Variants in LSAMP observed in about 807,000 individuals in gnomAD.
The protein encoded by LSAMP is limbic system-associated membrane protein.
LSAMP carries 7 observed loss-of-function variants against 38.6 expected under a neutral mutation model. The ratio of observed to expected loss-of-function variants is 0.18; its 90% CI spans 0.10 to 0.34. LSAMP has a LOEUF of 0.34. Among genes scored for constraint, LSAMP ranks in the 10% least tolerant of loss-of-function variants. The probability of loss-of-function intolerance (pLI) is 1.00; values close to 1 mark genes in which losing one functional copy is unlikely to be tolerated. For missense variants in LSAMP, 313 were observed against 420.0 expected, an observed-to-expected ratio of 0.75 and a Z score of 2.23; for synonymous variants, 154 against 166.8, an observed-to-expected ratio of 0.92 and a Z score of 0.59.
intron 2 of LSAMP, among the ~76,000 whole-genome samples, chr3:116,027,116 A>G (rs556570740): frequency 3.0e-3 from 458 of 152,308 alleles, no homozygotes; most frequent in South Asian, 5.6e-3. Flanking sequence ...TTTATCCCAA[A>G]TCCAAATTTA....
intron 1 of LSAMP, among the ~76,000 whole-genome samples, chr3:116,223,493 T>C (rs1346452916): frequency 6.6e-6 from 1 of 152,220 alleles, no homozygotes; most frequent in East Asian, 1.9e-4. Context: ...GCCACTTAGA[T>C]TTAAAATATG....
chr3:116,328,235 G>T (rs1418406796), intron 1 of LSAMP, among the ~76,000 whole-genome samples: 2 of 152,100 alleles, frequency 1.3e-5, no homozygotes, highest in African/African-American at 4.8e-5. Context: ...TTGCCACCTT[G>T]CATCCCTTTC....
chr3:116,009,479 G>A (rs1940262179), intron 3 of LSAMP, among the ~76,000 whole-genome samples: 3 of 152,150 alleles, frequency 2.0e-5, no homozygotes, highest in South Asian at 4.1e-4. Context: ...CTCCCTGAGA[G>A]GCTTTACTTC....
chr3:116,375,217 G>A (rs1281629697), intron 1 of LSAMP, among the ~76,000 whole-genome samples: 1 of 151,932 alleles, frequency 6.6e-6, no homozygotes, highest in Non-Finnish European at 1.5e-5. Context: ...TTCAACCACT[G>A]TTGGAAGAAA....
chr3:115,827,314 A>G (rs1934451045), intron 6 of LSAMP, among the ~76,000 whole-genome samples: 1 of 149,072 alleles, frequency 6.7e-6, no homozygotes, highest in African/African-American at 2.4e-5. Context: ...ACACTTGGCC[A>G]AGGCACGGTT....
chr3:116,139,374 C>A (rs1453155204), intron 1 of LSAMP, among the ~76,000 whole-genome samples: 1 of 151,880 alleles, frequency 6.6e-6, no homozygotes, highest in African/African-American at 2.4e-5. Flanking sequence ...ATTAGAGGAC[C>A]AAGGTTTCTG....
At chr3:116,108,723 A>G (rs1026923451) in intron 1 of LSAMP, among the ~76,000 whole-genome samples, 1 of 152,106 alleles carries the variant, frequency 6.6e-6, no homozygotes, top group African/African-American at 2.4e-5. Context: ...GGCTTAGGAG[A>G]AATCCTGGGC....
intron 2 of LSAMP, among the ~76,000 whole-genome samples, chr3:116,047,571 T>A (rs1451739431): frequency 6.6e-6 from 1 of 152,074 alleles, no homozygotes; most frequent in Admixed American, 6.5e-5. Flanking sequence ...CACTTCTACA[T>A]GCATGCATCT....
intron 1 of LSAMP, among the ~76,000 whole-genome samples, chr3:116,152,774 G>GA (rs1178041388): frequency 6.6e-6 from 1 of 151,922 alleles, no homozygotes; most frequent in East Asian, 1.9e-4. Context: ...ACACAAAGCA[G>GA]AAAAATAAGG....
intron 1 of LSAMP, among the ~76,000 whole-genome samples, chr3:116,289,253 T>G (rs947979420): frequency 6.6e-6 from 1 of 152,228 alleles, no homozygotes; most frequent in Non-Finnish European, 1.5e-5. Flanking sequence ...GGACTTTCAT[T>G]GTCAAACATT....
intron 1 of LSAMP, among the ~76,000 whole-genome samples, chr3:116,374,104 C>T (rs2048464222): frequency 6.6e-6 from 1 of 151,906 alleles, no homozygotes; most frequent in Admixed American, 6.6e-5. Context: ...CTATATGGTG[C>T]TCAAATTATG....
intron 3 of LSAMP, among the ~76,000 whole-genome samples, chr3:115,857,794 AT>A (rs753335007): frequency 1.9e-4 from 29 of 152,212 alleles, no homozygotes; most frequent in Non-Finnish European, 3.8e-4. Flanking sequence ...CAAGTTGTAC[AT>A]ATTAGTTCTT....
intron 2 of LSAMP, among the ~76,000 whole-genome samples, chr3:116,072,437 C>T (rs538912475): frequency 2.6e-5 from 4 of 152,148 alleles, no homozygotes; most frequent in Non-Finnish European, 4.4e-5. Flanking sequence ...ATTGCTGGGT[C>T]GAATGATATT....
At chr3:115,849,850 G>A (rs1203670145) in intron 4 of LSAMP, among the ~76,000 whole-genome samples, 1 of 152,142 alleles carries the variant, frequency 6.6e-6, no homozygotes, top group Non-Finnish European at 1.5e-5. Flanking sequence ...TGATTCCAAA[G>A]GAAATTGATA....
At chr3:116,123,997 T>C (rs1437812094) in intron 1 of LSAMP, among the ~76,000 whole-genome samples, 5 of 152,118 alleles carry the variant, frequency 3.3e-5, no homozygotes, top group Non-Finnish European at 4.4e-5. Flanking sequence ...GAGTATAATT[T>C]TGGGGCAAAG....
chr3:116,086,175 T>C (rs1248957861), intron 2 of LSAMP, 149 bp downstream of exon 2: 2 of 679,956 alleles, frequency 2.9e-6, no homozygotes, highest in Non-Finnish European at 5.0e-6. Context: ...TCATTTTAAG[T>C]GTCTTTTTAG....
chr3:116,374,121 A>G (rs1224435282), intron 1 of LSAMP, among the ~76,000 whole-genome samples: 1 of 151,968 alleles, frequency 6.6e-6, no homozygotes, highest in Non-Finnish European at 1.5e-5. Context: ...TATGTGGTGA[A>G]AAAGGTCAGC....
intron 1 of LSAMP, among the ~76,000 whole-genome samples, chr3:116,319,404 T>G (rs2047677682): frequency 6.6e-6 from 1 of 152,180 alleles, no homozygotes. Flanking sequence ...TGATTTCTCT[T>G]TCTATTCCGT....
At chr3:116,076,791 C>T (rs1264751127) in intron 2 of LSAMP, among the ~76,000 whole-genome samples, 4 of 152,066 alleles carry the variant, frequency 2.6e-5, no homozygotes, top group African/African-American at 9.7e-5. Context: ...GCAAAAAATA[C>T]CCAAACAAGC....
Sources: allele counts gnomAD v4.1 joint callset (sites outside exome capture counted in the v4.1 genomes callset), GRCh38; gene constraint gnomAD v4.1.1; transcripts MANE v1.5; gene names NCBI Gene and HGNC (gene_info 2026-07-23, HGNC 2026-07-21).